UNC13B: variants seen among roughly 807,000 people sequenced by gnomAD.
UNC13B encodes unc-13 homolog B.
In UNC13B, 144 loss-of-function variants were observed where a neutral mutation model predicts 211.0. That is an observed-to-expected ratio of 0.68 (90% confidence interval 0.60 to 0.78). UNC13B has a LOEUF of 0.78. UNC13B is among the 30% of genes least tolerant of loss of function. The pLI, the probability that UNC13B is intolerant of heterozygous loss-of-function variation, is 0.00. For missense variants in UNC13B, 1,777 were observed against 2,002.0 expected, an observed-to-expected ratio of 0.89 and a Z score of 2.14; for synonymous variants, 709 against 725.8, an observed-to-expected ratio of 0.98 and a Z score of 0.37.
chr9:35,183,426 T>G (rs13290189), intron 1 of UNC13B, among the ~76,000 whole-genome samples: 46,812 of 56,884 alleles, frequency 0.82, 19,437 homozygotes, highest in East Asian at 0.96. Context: ...ACCTCCCAGA[T>G]GAAGGGCGGC....
At chr9:35,320,220 G>A (rs115759501) in intron 11 of UNC13B, among the ~76,000 whole-genome samples, 4,789 of 152,104 alleles carry the variant, frequency 0.031, 244 homozygotes, top group African/African-American at 0.11. Context: ...GTGTTTTTTT[G>A]GTAGAACAAT....
At chr9:35,165,552 G>T (rs970262802) in intron 1 of UNC13B, among the ~76,000 whole-genome samples, 1 of 151,710 alleles carries the variant, frequency 6.6e-6, no homozygotes, top group Non-Finnish European at 1.5e-5. Context: ...GGGGTAGCTG[G>T]GATTACAGGC....
chr9:35,326,328 T>C (rs1188186135), intron 11 of UNC13B, among the ~76,000 whole-genome samples: 1 of 152,212 alleles, frequency 6.6e-6, no homozygotes, highest in East Asian at 1.9e-4. Context: ...CCCAAATGGG[T>C]ACCTGAAACC....
At chr9:35,267,198 C>T (rs528078596) in intron 7 of UNC13B, among the ~76,000 whole-genome samples, 2 of 152,278 alleles carry the variant, frequency 1.3e-5, no homozygotes, top group South Asian at 4.1e-4. Context: ...GCAGATGGAC[C>T]ATCACAAAGA....
In UNC13B at chr9:35,301,251, C is replaced by A. The variant is rs1829668019; in HGVS notation, c.1847C>A (p.Thr616Asn). The A allele has an allele frequency of 2.5e-6, 1 of 398,786 alleles. No individual in the cohort carries two copies. 24.7% of individuals were successfully genotyped at this position (398,786 alleles called of 1,614,324 possible). A position where few individuals can be genotyped will look rare whatever the true frequency, so the allele number is the denominator to read the frequency against. Residue 616 changes from threonine (T) to asparagine (N), a missense_variant, in exon 9 of 40, where the codon ACC becomes AAC. Coordinates refer to ENST00000635942, the MANE Select transcript of UNC13B (RefSeq NM_001371189.2). Reference sequence around the variant, plus strand: ...GTGAATATAGACAGACATAGAAAAACCTCTGAAAATGAGCACATGGGTAAT... The same window carrying A: ...GTGAATATAGACAGACATAGAAAAAACTCTGAAAATGAGCACATGGGTAAT... ...DNVNIDRHRK[T>N]SENEHMGNKT...
chr9:35,262,636 T>TA (rs1052583248), intron 7 of UNC13B, among the ~76,000 whole-genome samples: 30 of 151,414 alleles, frequency 2.0e-4, no homozygotes, highest in African/African-American at 6.3e-4. Flanking sequence ...TTTAATATAA[T>TA]AAAAAAAAAT....
At chr9:35,277,745 G>A (rs754417427) in intron 7 of UNC13B, among the ~76,000 whole-genome samples, 28 of 151,958 alleles carry the variant, frequency 1.8e-4, no homozygotes, top group Non-Finnish European at 3.5e-4. Context: ...ACTCAAGTCC[G>A]AAGAGGTAAA....
At chr9:35,167,860 C>T (rs1373068292) in intron 1 of UNC13B, among the ~76,000 whole-genome samples, 1 of 151,546 alleles carries the variant, frequency 6.6e-6, no homozygotes, top group Non-Finnish European at 1.5e-5. Context: ...TCCTCGGCCC[C>T]CCAGAGTGCT....
chr9:35,169,445 A>G (rs777143538), intron 1 of UNC13B, among the ~76,000 whole-genome samples: 31 of 152,352 alleles, frequency 2.0e-4, no homozygotes, highest in Non-Finnish European at 3.8e-4. Context: ...ATTTCGGTTT[A>G]CAGCCATTGT....
At chr9:35,259,804 G>A (rs1051735716) in intron 7 of UNC13B, among the ~76,000 whole-genome samples, 35 of 144,594 alleles carry the variant, frequency 2.4e-4, no homozygotes, top group African/African-American at 8.5e-4. Context: ...TGCGGGGGGG[G>A]GGGATTTTGA....
intron 7 of UNC13B, among the ~76,000 whole-genome samples, chr9:35,290,317 C>A (rs1829032047): frequency 6.6e-6 from 1 of 151,522 alleles, no homozygotes; most frequent in African/African-American, 2.4e-5. Context: ...TCTCAGAACA[C>A]CATCATTTAG....
At chr9:35,224,913 G>A (rs1274379972) in intron 1 of UNC13B, among the ~76,000 whole-genome samples, 1 of 151,790 alleles carries the variant, frequency 6.6e-6, no homozygotes, top group African/African-American at 2.4e-5. Flanking sequence ...CACATCAACA[G>A]AATGAAGAAC....
intron 30 of UNC13B, among the ~76,000 whole-genome samples, chr9:35,397,948 A>G (rs967284657): frequency 2.6e-5 from 4 of 152,012 alleles, no homozygotes; most frequent in African/African-American, 9.7e-5. Context: ...TTTTTTTAAT[A>G]TATATATAAA....
At chr9:35,392,793 A>T (rs1835620855) in intron 26 of UNC13B, among the ~76,000 whole-genome samples, 2 of 150,428 alleles carry the variant, frequency 1.3e-5, no homozygotes, top group South Asian at 4.2e-4. Context: ...AAAGTATAAT[A>T]AAAAATAAAA....
rs554993567 is a variant in UNC13B at position 35,387,848 on chromosome 9, G to GT, written c.11094+1562dup. On this transcript the variant is annotated intron_variant, in intron 24 of 39. Transcript: ENST00000635942. The stretch of plus-strand genomic sequence containing the variant: ...GTCAGGGCAAATTACTACATTTATT[G>GT]TTTTTTTGTTGTTGTTATTTTGTTG... Among the ~76,000 whole-genome samples the GT allele has an allele frequency of 2.0e-4, 30 of 152,144 alleles. No individual in the cohort carries two copies. The South Asian group carries it at 6.0e-3, about 31-fold the overall frequency.
At chr9:35,284,186 A>T (rs1231382964) in intron 7 of UNC13B, among the ~76,000 whole-genome samples, 2 of 152,178 alleles carry the variant, frequency 1.3e-5, no homozygotes, top group African/African-American at 4.8e-5. Flanking sequence ...GAATTGCCTG[A>T]ACCCGGGAGG....
At chr9:35,375,070 C>G in intron 13 of UNC13B, 57 bp from the exon 14 acceptor site, 1 of 1,598,966 alleles carries the variant, frequency 6.3e-7, no homozygotes, top group Non-Finnish European at 8.6e-7. Flanking sequence ...GCTCCCTCCC[C>G]CAGACTTTGC....
intron 1 of UNC13B, among the ~76,000 whole-genome samples, chr9:35,224,517 G>C (rs1020337992): frequency 6.6e-6 from 1 of 152,164 alleles, no homozygotes; most frequent in African/African-American, 2.4e-5. Context: ...CAGATCTAGA[G>C]TTAAAAACAA....
chr9:35,272,131 G>T (rs1290934503), intron 7 of UNC13B, among the ~76,000 whole-genome samples: 3 of 150,734 alleles, frequency 2.0e-5, no homozygotes, highest in African/African-American at 7.3e-5. Context: ...ATCCTAACCT[G>T]ATTAAGATGA....
Sources: gnomAD v4.1 joint callset for allele counts (sites outside exome capture counted in the v4.1 genomes callset) on GRCh38, gnomAD v4.1.1 for gene constraint, MANE v1.5 for transcripts, NCBI Gene and HGNC (gene_info 2026-07-23, HGNC 2026-07-21) for gene names.